LARP4: variants seen among roughly 807,000 people sequenced by gnomAD.
The protein encoded by LARP4 is La ribonucleoprotein 4.
Under a neutral mutation model 92.9 loss-of-function variants are expected in LARP4, and 29 were observed. The observed-to-expected ratio is 0.31, with a 90% CI of 0.23 to 0.43. LARP4 has a LOEUF of 0.43. Ranked by LOEUF, LARP4 falls within the 20% of genes least tolerant of loss-of-function variation. The pLI is 1.00. For synonymous variants in LARP4, 279 were observed against 284.1 expected (o/e 0.98, Z 0.18); for missense variants, 732 against 860.0 (o/e 0.85, Z 1.86).
intron 10 of LARP4, among the ~76,000 whole-genome samples, chr12:50,460,119 A>G (rs1955097016): frequency 1.3e-5 from 2 of 150,676 alleles, no homozygotes; most frequent in Non-Finnish European, 2.9e-5. Context: ...CGGGCAACAG[A>G]GCAAGACTCC....
At chr12:50,432,784 C>T (rs1949847895) in intron 4 of LARP4, among the ~76,000 whole-genome samples, 1 of 144,908 alleles carries the variant, frequency 6.9e-6, no homozygotes, top group Non-Finnish European at 1.5e-5. Flanking sequence ...CGCTTGAACC[C>T]AGGAGGTGGA....
intron 15 of LARP4, among the ~76,000 whole-genome samples, chr12:50,474,595 C>T (rs1957345818): frequency 6.6e-6 from 1 of 152,206 alleles, no homozygotes; most frequent in Non-Finnish European, 1.5e-5. Flanking sequence ...GATCCACCCG[C>T]CTCGGCCTCC....
intron 12 of LARP4, among the ~76,000 whole-genome samples, chr12:50,464,116 C>G (rs528978987): frequency 6.6e-6 from 1 of 152,318 alleles, no homozygotes; most frequent in South Asian, 2.1e-4. Context: ...GTGCTCCACT[C>G]CTCAGTACCA....
At chr12:50,401,371 G>A (rs1218878955) in intron 1 of LARP4, 2 of 293,316 alleles carry the variant, frequency 6.8e-6, no homozygotes, top group African/African-American at 4.4e-5. Context: ...TGAGGGAGGA[G>A]AGGGTAATCA....
intron 13 of LARP4, among the ~76,000 whole-genome samples, chr12:50,470,308 A>C (rs1435259613): frequency 6.6e-6 from 1 of 152,114 alleles, no homozygotes; most frequent in Admixed American, 6.6e-5. Context: ...GTCTGCTTCT[A>C]TCCAGTGGTT....
At chr12:50,449,851 G>T (rs1353723327) in intron 8 of LARP4, among the ~76,000 whole-genome samples, 1 of 150,780 alleles carries the variant, frequency 6.6e-6, no homozygotes, top group Non-Finnish European at 1.5e-5. Flanking sequence ...CATATTTGGG[G>T]TGTTTACTGT....
chr12:50,462,032 T>G lies in LARP4; in HGVS notation c.1335-550T>G, dbSNP rs140473120. Among the ~76,000 whole-genome samples the G allele has an allele frequency of 3.2e-4, 49 of 152,284 alleles. 1 individual carries two copies. Among genetic ancestry groups the G allele is most frequent in the Admixed American group, 1.4e-3 (21 of 15,278 alleles). On this transcript the variant is annotated intron_variant, in intron 11 of 15. Transcript: ENST00000398473. Reference sequence around the variant, plus strand: ...AATTAAACAATAGTATGGTTCTGGTTTGAAGGGATCACTACTAACAAATGG... The same window carrying G: ...AATTAAACAATAGTATGGTTCTGGTGTGAAGGGATCACTACTAACAAATGG...
intron 1 of LARP4, among the ~76,000 whole-genome samples, chr12:50,406,198 C>T (rs969047705): frequency 2.0e-5 from 3 of 152,080 alleles, no homozygotes; most frequent in African/African-American, 4.8e-5. Context: ...GGTTGGGTAA[C>T]GTGTCTCATG....
chr12:50,451,704 G>A (rs1032595317), intron 8 of LARP4, among the ~76,000 whole-genome samples: 16 of 152,192 alleles, frequency 1.1e-4, no homozygotes, highest in African/African-American at 3.6e-4. Context: ...GGGTATGGCT[G>A]TATGTGCCTG....
intron 8 of LARP4, among the ~76,000 whole-genome samples, chr12:50,443,333 T>C (rs1951521507): frequency 6.6e-6 from 1 of 152,098 alleles, no homozygotes; most frequent in Non-Finnish European, 1.5e-5. Flanking sequence ...TGCAGGGGCA[T>C]GATCACGGCT....
chr12:50,407,311 A>G (rs1417331092), intron 1 of LARP4, among the ~76,000 whole-genome samples: 2 of 152,216 alleles, frequency 1.3e-5, no homozygotes, highest in Non-Finnish European at 2.9e-5. Flanking sequence ...GGCGTGAGCC[A>G]CTGCGTCTGG....
chr12:50,454,267 A>G, intron 9 of LARP4, 47 bp from the exon 10 acceptor site: 1 of 1,446,628 alleles, frequency 6.9e-7, no homozygotes, highest in Non-Finnish European at 9.6e-7. Context: ...CTCACACCAG[A>G]TTTTACCTTT....
rs553550225 is a variant in LARP4, at chr12:50,438,974, G to A, written c.639+1136G>A. 4.9e-4 allele frequency among the ~76,000 whole-genome samples: 74 copies of A among 152,328 alleles called. 1 individual carries two copies. The highest frequency in any genetic ancestry group is 1.7e-3 in the African/African-American group (70 of 41,586). ...ATTTTTTGAGACAGGGTTTCAGTCT[G>A]TCACCCAGGGTGGAGTGCAGTGGCA... On this transcript the variant is annotated intron_variant, in intron 6 of 15. Transcript: ENST00000398473.
At chr12:50,458,901 C>T (rs1954821731) in intron 10 of LARP4, among the ~76,000 whole-genome samples, 1 of 152,186 alleles carries the variant, frequency 6.6e-6, no homozygotes, top group Admixed American at 6.5e-5. Context: ...TCATGCCATG[C>T]TATTGGGTGC....
intron 4 of LARP4, among the ~76,000 whole-genome samples, chr12:50,434,596 G>A (rs191697514): frequency 2.9e-4 from 44 of 150,672 alleles, no homozygotes; most frequent in Admixed American, 6.6e-4. Flanking sequence ...TAGTAGAGAC[G>A]GGGTTTCACC....
chr12:50,450,624 G>C (rs1036107233), intron 8 of LARP4, among the ~76,000 whole-genome samples: 1 of 151,790 alleles, frequency 6.6e-6, no homozygotes, highest in Admixed American at 6.6e-5. Context: ...TCAACCTCCC[G>C]AGTAGCTGGG....
intron 15 of LARP4, 138 bp downstream of exon 15, chr12:50,474,305 G>C (rs1593502288): frequency 1.6e-6 from 1 of 639,806 alleles, no homozygotes; most frequent in East Asian, 2.8e-5. Context: ...AGAAGCTTAA[G>C]GAGTGTTAGG....
intron 13 of LARP4, among the ~76,000 whole-genome samples, chr12:50,470,502 C>T (rs186509272): frequency 6.1e-4 from 93 of 151,660 alleles, no homozygotes; most frequent in Non-Finnish European, 9.7e-4. Flanking sequence ...GGCGCGATCT[C>T]GGCTCACTGC....
At chr12:50,452,502 T>C (rs1435545540) in intron 8 of LARP4, among the ~76,000 whole-genome samples, 1 of 152,166 alleles carries the variant, frequency 6.6e-6, no homozygotes, top group East Asian at 1.9e-4. Flanking sequence ...TTTTGAGGAA[T>C]CTCCATACTA....
Sources: gnomAD v4.1 joint callset for allele counts (sites outside exome capture counted in the v4.1 genomes callset) on GRCh38, gnomAD v4.1.1 for gene constraint, MANE v1.5 for transcripts, NCBI Gene and HGNC (gene_info 2026-07-23, HGNC 2026-07-21) for gene names.